Variants in EYS observed in about 807,000 individuals in gnomAD.
EYS encodes EGF-like photoreceptor maintenance factor, also known as protein eyes shut homolog.
In EYS, 250 loss-of-function variants were observed where a neutral mutation model predicts 282.1. That is an observed-to-expected ratio of 0.89 (90% CI 0.80 to 0.98). The LOEUF (loss-of-function observed/expected upper bound fraction) is 0.98. Among genes scored for constraint, EYS ranks in the 50% least tolerant of loss-of-function variants. The probability of loss-of-function intolerance (pLI) is 0.00; values close to 1 mark genes in which losing one functional copy is unlikely to be tolerated. For missense variants in EYS, 4,016 were observed against 3,709.0 expected, an observed-to-expected ratio of 1.08 and a Z score of -2.15; for synonymous variants, 1,355 against 1,282.9, an observed-to-expected ratio of 1.06 and a Z score of -1.20.
At chr6:64,095,940 A>G (rs1198137434) in intron 31 of EYS, among the ~76,000 whole-genome samples, 10 of 152,062 alleles carry the variant, frequency 6.6e-5, no homozygotes, top group African/African-American at 1.9e-4. Flanking sequence ...GCTCTTTTAG[A>G]GCAGGCCTGG....
chr6:64,841,270 T>C (rs1583213198), intron 19 of EYS, among the ~76,000 whole-genome samples: 2 of 152,268 alleles, frequency 1.3e-5, no homozygotes, highest in African/African-American at 4.8e-5. Flanking sequence ...GAACCACTTA[T>C]TAAATTTTAC....
In EYS at chr6:64,683,743, G is replaced by C. The variant is rs76903270; in HGVS notation, c.3444-57498C>G. Among the ~76,000 whole-genome samples the C allele has an allele frequency of 5.4e-3, 821 of 152,212 alleles. 3 individuals carry two copies. Among genetic ancestry groups the C allele is most frequent in the Non-Finnish European group, 9.2e-3 (626 of 68,020 alleles). On this transcript the variant is annotated intron_variant, in intron 22 of 42. Transcript: ENST00000503581. ...AATACAAAGTCAAAATTGCAACTTA[G>C]GCATGTTAGCTCAAGTTGCTCCAGT...
At chr6:64,673,002 C>G (rs574755537) in intron 22 of EYS, among the ~76,000 whole-genome samples, 1 of 152,040 alleles carries the variant, frequency 6.6e-6, no homozygotes, top group Non-Finnish European at 1.5e-5. Flanking sequence ...TTTCAACTTC[C>G]GCATAACTTC....
chr6:63,952,164 T>A (rs1430754549), intron 35 of EYS, among the ~76,000 whole-genome samples: 1 of 152,204 alleles, frequency 6.6e-6, no homozygotes, highest in Non-Finnish European at 1.5e-5. Context: ...ACCTCCTCCA[T>A]CAGGATCTTG....
intron 8 of EYS, among the ~76,000 whole-genome samples, chr6:65,370,598 A>T (rs995719472): frequency 2.0e-5 from 3 of 151,592 alleles, no homozygotes; most frequent in African/African-American, 7.2e-5. Flanking sequence ...CATAATGCAA[A>T]TTTTTTTTAT....
intron 12 of EYS, among the ~76,000 whole-genome samples, chr6:65,125,063 G>T (rs1775679384): frequency 6.6e-6 from 1 of 152,158 alleles, no homozygotes; most frequent in South Asian, 2.1e-4. Context: ...ACTAGGAAGG[G>T]TCATTTGTCT....
intron 41 of EYS, among the ~76,000 whole-genome samples, chr6:63,755,483 G>A (rs935754733): frequency 6.6e-6 from 1 of 152,088 alleles, no homozygotes; most frequent in South Asian, 2.1e-4. Context: ...TGTTCTATTG[G>A]TCTGTCTCTC....
chr6:64,052,779 T>G (rs1296955356), intron 33 of EYS, among the ~76,000 whole-genome samples: 2 of 152,132 alleles, frequency 1.3e-5, no homozygotes, highest in Non-Finnish European at 2.9e-5. Context: ...CGGGGTCTGA[T>G]GGTTTTATAA....
At chr6:64,292,771 A>G (rs949627497) in intron 30 of EYS, among the ~76,000 whole-genome samples, 4 of 152,128 alleles carry the variant, frequency 2.6e-5, no homozygotes, top group African/African-American at 9.7e-5. Flanking sequence ...ACAAACAACA[A>G]GTACAATAAC....
intron 26 of EYS, among the ~76,000 whole-genome samples, chr6:64,585,450 C>G (rs1165812367): frequency 2.0e-5 from 3 of 152,038 alleles, no homozygotes; most frequent in Admixed American, 6.6e-5. Flanking sequence ...GCACACATAC[C>G]CACTGTATCT....
chr6:64,011,978 C>T (rs1463105329), intron 33 of EYS, among the ~76,000 whole-genome samples: 1 of 150,178 alleles, frequency 6.7e-6, no homozygotes, highest in East Asian at 1.9e-4. Flanking sequence ...ATTAACATTG[C>T]TAATAAGTTT....
intron 31 of EYS, among the ~76,000 whole-genome samples, chr6:64,133,050 T>C (rs1774035714): frequency 6.6e-6 from 1 of 152,020 alleles, no homozygotes; most frequent in African/African-American, 2.4e-5. Context: ...GTTATCATTC[T>C]AAATCCTATA....
intron 2 of EYS, among the ~76,000 whole-genome samples, chr6:65,619,810 A>T (rs918861315): frequency 1.1e-4 from 16 of 150,788 alleles, no homozygotes; most frequent in African/African-American, 3.9e-4. Context: ...TATTGAGATA[A>T]TCATGCGGTT....
intron 8 of EYS, among the ~76,000 whole-genome samples, chr6:65,367,391 G>A (rs554979233): frequency 7.9e-5 from 12 of 151,524 alleles, no homozygotes; most frequent in East Asian, 7.7e-4. Flanking sequence ...CATAGCAGGC[G>A]AATTTTTAAA....
chr6:65,236,755 T>G (rs2150272529), intron 12 of EYS, among the ~76,000 whole-genome samples: 1 of 152,310 alleles, frequency 6.6e-6, no homozygotes, highest in Non-Finnish European at 1.5e-5. Flanking sequence ...GTACTATGAC[T>G]ATAAAGCAAA....
intron 12 of EYS, among the ~76,000 whole-genome samples, chr6:65,143,859 G>A (rs934309084): frequency 2.0e-5 from 3 of 152,052 alleles, no homozygotes; most frequent in African/African-American, 4.8e-5. Context: ...CCTACAGCAA[G>A]TAGTCATTAA....
chr6:63,886,916 G>A (rs146598776), intron 35 of EYS, among the ~76,000 whole-genome samples: 5 of 152,146 alleles, frequency 3.3e-5, no homozygotes, highest in South Asian at 2.1e-4. Context: ...AGAAAATGAG[G>A]CAACTTTAAT....
At chr6:64,054,034 T>C (rs1770900896) in intron 33 of EYS, among the ~76,000 whole-genome samples, 1 of 152,184 alleles carries the variant, frequency 6.6e-6, no homozygotes, top group African/African-American at 2.4e-5. Context: ...TCAACCCTTA[T>C]ATACTTGTTT....
At chr6:65,133,878 G>T (rs574645279) in intron 12 of EYS, among the ~76,000 whole-genome samples, 27 of 151,698 alleles carry the variant, frequency 1.8e-4, no homozygotes, top group Non-Finnish European at 3.8e-4. Context: ...AACTGACAAA[G>T]GTCTAATATC....
Sources: gnomAD v4.1 joint callset for allele counts (sites outside exome capture counted in the v4.1 genomes callset) on GRCh38, gnomAD v4.1.1 for gene constraint, MANE v1.5 for transcripts, NCBI Gene and HGNC (gene_info 2026-07-23, HGNC 2026-07-21) for gene names.